Variants in PDCD4 observed in about 807,000 individuals in gnomAD.
PDCD4 encodes the protein programmed cell death protein 4.
In PDCD4, 56 loss-of-function variants were observed where a neutral mutation model predicts 54.0. The ratio of observed to expected loss-of-function variants is 1.04; its 90% CI spans 0.84 to 1.30. The LOEUF (loss-of-function observed/expected upper bound fraction) is 1.30, where lower values mean the gene tolerates loss of function less well. Ranked by LOEUF, PDCD4 falls within the 50% of genes most tolerant of loss-of-function variation. The pLI, the probability that PDCD4 is intolerant of heterozygous loss-of-function variation, is 0.00. For synonymous variants in PDCD4, 186 were observed against 194.8 expected (o/e 0.95, Z 0.37); for missense variants, 584 against 559.8 (o/e 1.04, Z -0.44).
At chr10:110,877,279 C>T (rs1041734743) in intron 2 of PDCD4, among the ~76,000 whole-genome samples, 2 of 152,094 alleles carry the variant, frequency 1.3e-5, no homozygotes, top group African/African-American at 4.8e-5. Flanking sequence ...TGACCACTAG[C>T]TACATGTGGT....
intron 1 of PDCD4, 40 bp from the exon 2 acceptor site, chr10:110,875,926 A>G (rs1482219983): frequency 1.1e-6 from 1 of 931,816 alleles, no homozygotes; most frequent in African/African-American, 1.7e-5. Context: ...CATCAGTTTA[A>G]AAGATCTTGA....
At chr10:110,872,669 A>T (rs1845436137) in intron 1 of PDCD4, among the ~76,000 whole-genome samples, 2 of 152,174 alleles carry the variant, frequency 1.3e-5, no homozygotes, top group South Asian at 4.1e-4. Flanking sequence ...GGAGGCGAAC[A>T]CGTGCCCGCC....
In PDCD4 at chr10:110,881,536, G is replaced by A. The variant is rs759474059; in HGVS notation, c.346+1G>A. ...AAAGGAAGGGGACTACCAAAGAAAG[G>A]TTGGTATATATCATGTCCAACAAAT... On this transcript the variant is annotated splice_donor_variant, in intron 3 of 11. Coordinates refer to ENST00000280154, the MANE Select transcript of PDCD4 (RefSeq NM_014456.5). LOFTEE classifies it high-confidence loss of function. 2.5e-6 allele frequency: 4 copies of A among 1,608,052 alleles called. No homozygotes were observed. The highest frequency in any genetic ancestry group is 1.7e-5 in the Admixed American group (1 of 59,638).
intron 2 of PDCD4, 121 bp from the exon 3 acceptor site, chr10:110,881,112 G>A: frequency 1.5e-6 from 1 of 675,392 alleles, no homozygotes; most frequent in Non-Finnish European, 2.5e-6. Context: ...ATATGTGACT[G>A]TAATTTACCT....
At chr10:110,887,957 TC>T in intron 6 of PDCD4, 71 bp downstream of exon 6, 1 of 1,009,536 alleles carries the variant, frequency 9.9e-7, no homozygotes, top group South Asian at 1.6e-5. Context: ...TAATGTATAC[TC>T]CTAGGAAATT....
At chr10:110,885,172 A>C in intron 4 of PDCD4, 81 bp from the exon 5 acceptor site, 1 of 686,648 alleles carries the variant, frequency 1.5e-6, no homozygotes, top group South Asian at 1.7e-5. Flanking sequence ...TTAACCACTT[A>C]GAATATAAAA....
chr10:110,877,643 C>T (rs1372351591), intron 2 of PDCD4, among the ~76,000 whole-genome samples: 1 of 151,974 alleles, frequency 6.6e-6, no homozygotes, highest in Non-Finnish European at 1.5e-5. Context: ...ACAATAAGAC[C>T]TAGTTCTAAC....
At position 110,891,406 on chromosome 10, in the gene PDCD4, C is replaced by CAAAA. The variant is rs376743141; in HGVS notation, c.990+753_990+756dup. On this transcript the variant is annotated intron_variant, in intron 8 of 11. Transcript: ENST00000280154. ...TGGGTGACAGAGCAAGACTCTGTCT[C>CAAAA]AAAAAAAAAAAAAAAAAAAAGCGAT... Among the ~76,000 whole-genome samples the CAAAA allele has an allele frequency of 1.6e-3, 109 of 68,278 alleles. 2 individuals are homozygous for CAAAA. The highest frequency in any genetic ancestry group is 3.7e-3 in the African/African-American group (54 of 14,406). 44.8% of individuals were successfully genotyped at this position (68,278 alleles called of 152,430 possible). A position where few individuals can be genotyped will look rare whatever the true frequency, so the allele number is the denominator to read the frequency against.
intron 2 of PDCD4, among the ~76,000 whole-genome samples, chr10:110,879,889 T>C (rs1564680610): frequency 2.0e-5 from 3 of 152,220 alleles, no homozygotes; most frequent in Admixed American, 6.5e-5. Context: ...TTTAAACACA[T>C]GTATGCTTTT....
At chr10:110,891,816 A>G (rs763518517) in intron 8 of PDCD4, among the ~76,000 whole-genome samples, 3 of 152,194 alleles carry the variant, frequency 2.0e-5, no homozygotes, top group African/African-American at 4.8e-5. Flanking sequence ...AAATTAAACA[A>G]TTATTAGAAA....
At chr10:110,878,591 A>G (rs1334443632) in intron 2 of PDCD4, among the ~76,000 whole-genome samples, 1 of 152,156 alleles carries the variant, frequency 6.6e-6, no homozygotes, top group Non-Finnish European at 1.5e-5. Flanking sequence ...ATTTTTGTTT[A>G]TCTCTCTTTA....
At chr10:110,894,348 T>A (rs935075317) in intron 9 of PDCD4, 64 bp from the exon 10 acceptor site, 61 of 928,908 alleles carry the variant, frequency 6.6e-5, no homozygotes, top group Non-Finnish European at 1.0e-4. Context: ...GGCATCTAGG[T>A]GCATTTTAGG....
intron 10 of PDCD4, 52 bp downstream of exon 10, chr10:110,894,574 T>C (rs1484033294): frequency 1.2e-6 from 1 of 809,076 alleles, no homozygotes; most frequent in African/African-American, 1.7e-5. Context: ...CTTAAATATA[T>C]GATTGAATAC....
chr10:110,876,649 T>G, intron 2 of PDCD4: 1 of 798,298 alleles, frequency 1.3e-6, no homozygotes, highest in Non-Finnish European at 1.8e-6. Flanking sequence ...ACAAATAATT[T>G]TTATATTCTA....
chr10:110,892,818 A>G (rs374113999), intron 8 of PDCD4, among the ~76,000 whole-genome samples: 13 of 152,292 alleles, frequency 8.5e-5, no homozygotes, highest in African/African-American at 2.9e-4. Flanking sequence ...TACATTCACT[A>G]ACCACTCACT....
At chr10:110,881,188 A>G in intron 2 of PDCD4, 45 bp from the exon 3 acceptor site, 1 of 1,401,972 alleles carries the variant, frequency 7.1e-7, no homozygotes, top group Non-Finnish European at 9.9e-7. Context: ...AAAACAGTAG[A>G]TACTTAAAAT....
rs1845795679 is a variant in PDCD4, at chr10:110,894,156, G to A, written c.1056G>A (p.Lys352=). 2.5e-6 allele frequency: 4 copies of A among 1,607,948 alleles called. No individual in the cohort carries two copies. The African/African-American group carries it at 4.0e-5, about 16-fold the overall frequency. The part of the protein sequence containing the change: ...GDISEAEHCL[K]ELEVPHFHHE... ...TATCTGAAGCTGAACATTGCCTTAA[G>A]GAACTGGAAGTACCTCATTTTCACC... Residue 352 remains lysine, a synonymous_variant, in exon 9 of 12, where the codon AAG becomes AAA. Transcript: ENST00000280154.
intron 6 of PDCD4, among the ~76,000 whole-genome samples, chr10:110,888,910 C>A (rs1261833570): frequency 6.6e-6 from 1 of 151,952 alleles, no homozygotes; most frequent in Non-Finnish European, 1.5e-5. Flanking sequence ...TTTGAGAGAA[C>A]CTAGTCCTTT....
intron 2 of PDCD4, among the ~76,000 whole-genome samples, chr10:110,878,316 T>C (rs548315261): frequency 6.6e-6 from 1 of 152,264 alleles, no homozygotes; most frequent in South Asian, 2.1e-4. Context: ...CTTGAAAGGA[T>C]GTTAAAATTG....
Sources: allele counts gnomAD v4.1 joint callset (sites outside exome capture counted in the v4.1 genomes callset), GRCh38; gene constraint gnomAD v4.1.1; transcripts MANE v1.5; gene names NCBI Gene and HGNC (gene_info 2026-07-23, HGNC 2026-07-21).